Variants in XPR1 observed in about 807,000 individuals in gnomAD.
The protein encoded by XPR1 is xenotropic and polytropic retrovirus receptor 1, also known as solute carrier family 53 member 1.
In XPR1, 28 loss-of-function variants were observed where a neutral mutation model predicts 87.5. That is an observed-to-expected ratio of 0.32 (90% CI 0.24 to 0.44). The LOEUF (loss-of-function observed/expected upper bound fraction) is 0.44, where lower values mean the gene tolerates loss of function less well. Among genes scored for constraint, XPR1 ranks in the 20% least tolerant of loss-of-function variants. XPR1 has a pLI of 1.00. For missense variants in XPR1, 559 were observed against 862.3 expected, an observed-to-expected ratio of 0.65 and a Z score of 4.41; for synonymous variants, 300 against 306.1, an observed-to-expected ratio of 0.98 and a Z score of 0.21.
At position 180,798,532 on chromosome 1, in the gene XPR1, G is replaced by A. The variant is rs181169483; in HGVS notation, c.224-4856G>A. On this transcript the variant is annotated intron_variant, in intron 3 of 14. Transcript: ENST00000367590. ...TTTGCCCTCAGCCAGAACCCCAACT[G>A]GTTATTAGGTGAGATGACCTAGACT... 3.1e-3 allele frequency among the ~76,000 whole-genome samples: 470 copies of A among 152,222 alleles called. 4 individuals carry two copies. The highest frequency in any genetic ancestry group is 0.011 in the African/African-American group (448 of 41,542).
intron 1 of XPR1, among the ~76,000 whole-genome samples, chr1:180,639,456 G>C (rs1654896420): frequency 6.6e-6 from 1 of 152,154 alleles, no homozygotes; most frequent in African/African-American, 2.4e-5. Context: ...ATGACCTGCT[G>C]TATTAGAAAG....
At position 180,886,778 on chromosome 1, in the gene XPR1, T is replaced by C. The variant is rs1653024726; in HGVS notation, c.*2712T>C. The C allele has an allele frequency of 6.6e-6, 1 of 152,226 alleles. No individual in the cohort carries two copies. The allele number at this position is 152,226 out of a possible 1,614,324, so 9.4% of individuals were successfully genotyped here. A position where few individuals can be genotyped will look rare whatever the true frequency, so the allele number is the denominator to read the frequency against. ...CTTTCAAAAAAGGCAATGTGCACTT[T>C]CCTCTCCTAAATTTTATATGCCCTA... On this transcript the variant is annotated 3_prime_UTR_variant, in exon 15 of 15. Coordinates refer to ENST00000367590, the MANE Select transcript of XPR1 (RefSeq NM_004736.4).
intron 2 of XPR1, among the ~76,000 whole-genome samples, chr1:180,727,598 C>T (rs934259369): frequency 2.6e-5 from 4 of 152,064 alleles, no homozygotes; most frequent in Non-Finnish European, 5.9e-5. Context: ...GAGCCGAGAT[C>T]GCACCATTGC....
At chr1:180,675,805 A>G (rs1475664147) in intron 1 of XPR1, among the ~76,000 whole-genome samples, 2 of 152,202 alleles carry the variant, frequency 1.3e-5, no homozygotes, top group South Asian at 2.1e-4. Flanking sequence ...CAAACAGTCC[A>G]TAGGTAATAA....
intron 7 of XPR1, among the ~76,000 whole-genome samples, chr1:180,818,780 T>C (rs1650507380): frequency 6.6e-6 from 1 of 152,168 alleles, no homozygotes; most frequent in Non-Finnish European, 1.5e-5. Context: ...TGTGGTTTAA[T>C]CCCAGTAAAT....
chr1:180,805,404 T>C (rs1014062547), intron 4 of XPR1, among the ~76,000 whole-genome samples: 1 of 152,202 alleles, frequency 6.6e-6, no homozygotes, highest in East Asian at 1.9e-4. Flanking sequence ...TAGTATTTTG[T>C]TATTGTAGAA....
chr1:180,727,558 C>T (rs1227670620), intron 2 of XPR1, among the ~76,000 whole-genome samples: 1 of 152,118 alleles, frequency 6.6e-6, no homozygotes, highest in Non-Finnish European at 1.5e-5. Flanking sequence ...ACGGGAGAAT[C>T]ACTTGAACCC....
At chr1:180,744,654 C>CTTTTTTTTTTTTTTTTTT (rs71121048) in intron 2 of XPR1, among the ~76,000 whole-genome samples, 18 of 102,402 alleles carry the variant, frequency 1.8e-4, no homozygotes, top group Non-Finnish European at 2.4e-4. Context: ...CAATTTCTTT[C>CTTTTTTTTTTTTTTTTTT]TTTTTTTTTT....
chr1:180,862,548 C>A (rs1205800913), intron 11 of XPR1, among the ~76,000 whole-genome samples: 3 of 152,024 alleles, frequency 2.0e-5, no homozygotes, highest in Non-Finnish European at 4.4e-5. Context: ...GGAAACATTC[C>A]CATTTGCCTT....
At chr1:180,762,108 CTG>C (rs1455905477) in intron 2 of XPR1, among the ~76,000 whole-genome samples, 2 of 123,742 alleles carry the variant, frequency 1.6e-5, no homozygotes, top group East Asian at 4.7e-4. Flanking sequence ...TCATCACACT[CTG>C]GGGACTGTTG....
chr1:180,856,131 A>G (rs1652020453), intron 11 of XPR1, among the ~76,000 whole-genome samples: 2 of 152,136 alleles, frequency 1.3e-5, no homozygotes, highest in African/African-American at 2.4e-5. Flanking sequence ...TAATCTATCT[A>G]TTCTTATTCT....
chr1:180,889,780 C>T lies in XPR1; in HGVS notation c.*5714C>T, dbSNP rs1456867393. 6.6e-6 allele frequency: 1 copy of T among 152,128 alleles called. No homozygotes were observed. Among genetic ancestry groups the T allele is most frequent in the Non-Finnish European group, 1.5e-5 (1 of 68,032 alleles). The allele number at this position is 152,128 out of a possible 1,614,324, so 9.4% of individuals were successfully genotyped here. The stretch of plus-strand genomic sequence containing the variant: ...TGTATTTTTCTGTTCAAACTCTCTC[C>T]TTCTATTTGTGTTTCCTTCACCCCT... On this transcript the variant is annotated 3_prime_UTR_variant, in exon 15 of 15. Coordinates refer to ENST00000367590, the MANE Select transcript of XPR1 (RefSeq NM_004736.4).
At chr1:180,747,940 A>G (rs1231857548) in intron 2 of XPR1, among the ~76,000 whole-genome samples, 1 of 152,240 alleles carries the variant, frequency 6.6e-6, no homozygotes, top group African/African-American at 2.4e-5. Flanking sequence ...AATCAGAAGA[A>G]CAACAACCAA....
At chr1:180,665,955 A>G (rs1325197026) in intron 1 of XPR1, among the ~76,000 whole-genome samples, 2 of 152,146 alleles carry the variant, frequency 1.3e-5, no homozygotes, top group East Asian at 1.9e-4. Context: ...TGCCTCCCCT[A>G]ACTATGATTT....
intron 2 of XPR1, among the ~76,000 whole-genome samples, chr1:180,763,578 G>A (rs760575889): frequency 1.3e-5 from 2 of 152,206 alleles, no homozygotes; most frequent in African/African-American, 2.4e-5. Context: ...CAAGGTGATT[G>A]TGATAAGAGC....
At chr1:180,859,124 G>T (rs568712147) in intron 11 of XPR1, among the ~76,000 whole-genome samples, 2 of 540 alleles carry the variant, frequency 3.7e-3, no homozygotes, top group African/African-American at 9.3e-3. Flanking sequence ...CCTGAAACAT[G>T]ATTCAAGTTG....
chr1:180,786,434 A>G (rs577264961), intron 2 of XPR1, among the ~76,000 whole-genome samples: 1 of 152,238 alleles, frequency 6.6e-6, no homozygotes, highest in East Asian at 1.9e-4. Flanking sequence ...TACTTTTTCT[A>G]CACTTTTCAA....
chr1:180,726,863 A>G (rs1443636056), intron 2 of XPR1, among the ~76,000 whole-genome samples: 1 of 151,586 alleles, frequency 6.6e-6, no homozygotes, highest in East Asian at 1.9e-4. Flanking sequence ...ATATTTTTAA[A>G]TGTATGTTTT....
chr1:180,839,296 A>G (rs1651422147), intron 11 of XPR1, among the ~76,000 whole-genome samples: 1 of 152,222 alleles, frequency 6.6e-6, no homozygotes, highest in African/African-American at 2.4e-5. Context: ...ATGAAAAAGG[A>G]TTTGATAACC....
Sources: gnomAD v4.1 joint callset for allele counts (sites outside exome capture counted in the v4.1 genomes callset) on GRCh38, gnomAD v4.1.1 for gene constraint, MANE v1.5 for transcripts, NCBI Gene and HGNC (gene_info 2026-07-23, HGNC 2026-07-21) for gene names.